The following APOLD1 variants were observed in gnomAD, a reference collection of about 807,000 sequenced individuals.
APOLD1 encodes the protein apolipoprotein L domain-containing protein 1.
Under a neutral mutation model 15.3 loss-of-function variants are expected in APOLD1, and 22 were observed. The observed-to-expected ratio is 1.44, with a 90% confidence interval of 1.03 to 2.05. The LOEUF (loss-of-function observed/expected upper bound fraction) is 2.05. Ranked by LOEUF, APOLD1 falls within the 30% of genes most tolerant of loss-of-function variation. The pLI is 0.00. For missense variants in APOLD1, 394 were observed against 353.5 expected (o/e 1.11, Z -0.92); for synonymous variants, 190 against 167.4 (o/e 1.13, Z -1.04).
chr12:12,769,103 C>T (rs1454445048), intron 1 of APOLD1, among the ~76,000 whole-genome samples: 2 of 151,924 alleles, frequency 1.3e-5, no homozygotes, highest in Non-Finnish European at 2.9e-5. Flanking sequence ...TGGCACATGC[C>T]TGTAGTCCCA....
At chr12:12,730,380 C>T (rs1368252601) in intron 1 of APOLD1, among the ~76,000 whole-genome samples, 2 of 151,994 alleles carry the variant, frequency 1.3e-5, no homozygotes, top group Non-Finnish European at 2.9e-5. Context: ...GTTACTTCAC[C>T]TTTTAAAGAT....
At chr12:12,750,847 T>C (rs980654984) in intron 1 of APOLD1, among the ~76,000 whole-genome samples, 2 of 152,106 alleles carry the variant, frequency 1.3e-5, no homozygotes, top group African/African-American at 2.4e-5. Flanking sequence ...TGATCACAGT[T>C]CACTGCAGCC....
At chr12:12,728,211 CA>C (rs1490134994) in intron 1 of APOLD1, among the ~76,000 whole-genome samples, 4 of 152,112 alleles carry the variant, frequency 2.6e-5, no homozygotes, top group African/African-American at 9.7e-5. Flanking sequence ...AAGGAATCCT[CA>C]CACCTTGGCC....
intron 1 of APOLD1, among the ~76,000 whole-genome samples, chr12:12,746,530 C>A (rs12314889): frequency 4.0e-4 from 22 of 54,382 alleles, no homozygotes; most frequent in African/African-American, 1.4e-3. Flanking sequence ...TAAATACATA[C>A]ATACATATTG....
At chr12:12,734,871 G>T (rs1475158842) in intron 1 of APOLD1, among the ~76,000 whole-genome samples, 1 of 152,120 alleles carries the variant, frequency 6.6e-6, no homozygotes, top group East Asian at 1.9e-4. Flanking sequence ...AAACAGGAGC[G>T]CTGGCCTCCT....
At chr12:12,785,234 G>C (rs1947115141), upstream of APOLD1, among the ~76,000 whole-genome samples, 1 of 152,210 alleles carries the variant, frequency 6.6e-6, no homozygotes, top group South Asian at 2.1e-4. Flanking sequence ...GAGCGGCTAT[G>C]TCAGATATGA....
At chr12:12,740,681 C>A (rs768743382) in intron 1 of APOLD1, among the ~76,000 whole-genome samples, 9 of 152,266 alleles carry the variant, frequency 5.9e-5, no homozygotes, top group Non-Finnish European at 1.0e-4. Flanking sequence ...ATTTCAAGGT[C>A]CCTCCAGGCA....
At chr12:12,775,406 C>T (rs1326415361) in intron 1 of APOLD1, among the ~76,000 whole-genome samples, 4 of 152,050 alleles carry the variant, frequency 2.6e-5, no homozygotes, top group East Asian at 1.9e-4. Flanking sequence ...ACCCACAGAG[C>T]GTACAATACC....
intron 1 of APOLD1, among the ~76,000 whole-genome samples, chr12:12,779,120 T>C (rs1350297212): frequency 6.6e-6 from 1 of 152,120 alleles, no homozygotes; most frequent in African/African-American, 2.4e-5. Flanking sequence ...CTCCTCTCTC[T>C]CCTAATTTTT....
intron 1 of APOLD1, among the ~76,000 whole-genome samples, chr12:12,753,644 G>A (rs981610731): frequency 6.6e-6 from 1 of 152,090 alleles, no homozygotes; most frequent in African/African-American, 2.4e-5. Context: ...CTGCACTCCA[G>A]CCAGGGCCAC....
intron 1 of APOLD1, among the ~76,000 whole-genome samples, chr12:12,738,912 A>G (rs1202203890): frequency 6.6e-6 from 1 of 152,258 alleles, no homozygotes; most frequent in Non-Finnish European, 1.5e-5. Flanking sequence ...ACTTATCTCC[A>G]GAATTCCTGT....
chr12:12,742,128 C>T (rs763370964), intron 1 of APOLD1, among the ~76,000 whole-genome samples: 10 of 152,138 alleles, frequency 6.6e-5, no homozygotes, highest in Non-Finnish European at 1.0e-4. Context: ...CAGCTATGTC[C>T]GGAATGGCTC....
chr12:12,790,009 T>C lies in APOLD1; in HGVS notation c.*2357T>C, dbSNP rs1482366610. On this transcript the variant is annotated 3_prime_UTR_variant, in exon 2 of 2. Coordinates refer to ENST00000356591, the MANE Select transcript of APOLD1 (RefSeq NM_030817.3). ...TGTTTCACCCAGATGCTAGCATTTT[T>C]TTTTTTTTTTTGAGACAGAGTCTCA... 6.6e-6 allele frequency: 1 copy of C among 151,518 alleles called. No individual in the cohort carries two copies. Among genetic ancestry groups the C allele is most frequent in the African/African-American group, 2.4e-5 (1 of 41,198 alleles). 9.4% of individuals were successfully genotyped at this position (151,518 alleles called of 1,614,324 possible).
chr12:12,788,612 A>G lies in APOLD1; in HGVS notation c.*960A>G, dbSNP rs1162621046. On this transcript the variant is annotated 3_prime_UTR_variant, in exon 2 of 2. Coordinates refer to ENST00000356591, the MANE Select transcript of APOLD1 (RefSeq NM_030817.3). The stretch of plus-strand genomic sequence containing the variant: ...GTGTAGTCCCTGGAATGGCAAATTA[A>G]CATCACCCAGGAACTTGTTAGAAAG... 1 of 152,202 alleles carries G rather than the reference A, an allele frequency of 6.6e-6. No homozygotes were observed. Among genetic ancestry groups the G allele is most frequent in the African/African-American group, 2.4e-5 (1 of 41,444 alleles). 9.4% of individuals were successfully genotyped at this position (152,202 alleles called of 1,614,324 possible).
intron 1 of APOLD1, among the ~76,000 whole-genome samples, chr12:12,741,445 C>T (rs1244152556): frequency 6.6e-6 from 1 of 152,176 alleles, no homozygotes; most frequent in Non-Finnish European, 1.5e-5. Context: ...GAACTCCTGA[C>T]CTCAAGCAGT....
At chr12:12,753,837 C>G (rs1946833842) in intron 1 of APOLD1, among the ~76,000 whole-genome samples, 1 of 151,930 alleles carries the variant, frequency 6.6e-6, no homozygotes, top group African/African-American at 2.4e-5. Context: ...AAGAGAAAAG[C>G]CTTAAAATCT....
upstream of APOLD1, among the ~76,000 whole-genome samples, chr12:12,781,930 A>G (rs1388710076): frequency 2.0e-5 from 3 of 151,978 alleles, no homozygotes; most frequent in African/African-American, 7.3e-5. Flanking sequence ...CGCTAGACTT[A>G]CTGTTTCTGC....
At chr12:12,753,838 C>G (rs1946833866) in intron 1 of APOLD1, among the ~76,000 whole-genome samples, 1 of 151,974 alleles carries the variant, frequency 6.6e-6, no homozygotes, top group South Asian at 2.1e-4. Flanking sequence ...AGAGAAAAGC[C>G]TTAAAATCTT....
rs1349687376 is a variant in APOLD1 at position 12,787,200 on chromosome 12, G to A, written c.295G>A (p.Gly99Arg). The A allele has an allele frequency of 1.3e-6, 2 of 1,549,266 alleles. No individual in the cohort carries two copies. The highest frequency in any genetic ancestry group is 1.2e-5 in the South Asian group (1 of 81,818). The change falls in exon 2 of 2, where the codon GGG becomes AGG. Residue 99 changes from glycine to arginine, a missense_variant. Gly to Arg is a moderately radical substitution (Grantham distance 125, BLOSUM62 -2). Transcript: ENST00000356591. This position sits in a 1 kb window ranked among gnomAD's most constrained non-coding sequence, Gnocchi z 4.9. ...AVGLGVATAGGAVTITSDLSL... is the reference protein window; with the variant it reads ...AVGLGVATAGRAVTITSDLSL... Reference sequence around the variant, plus strand: ...GGGGCTGGGGGTGGCCACAGCCGGAGGGGCCGTCACCATCACGTCCGATCT... The same window carrying A: ...GGGGCTGGGGGTGGCCACAGCCGGAAGGGCCGTCACCATCACGTCCGATCT...
Sources: allele counts gnomAD v4.1 joint callset (sites outside exome capture counted in the v4.1 genomes callset), GRCh38; gene constraint gnomAD v4.1.1; non-coding constraint Gnocchi (gnomAD v3.1); transcripts MANE v1.5; gene names NCBI Gene and HGNC (gene_info 2026-07-23, HGNC 2026-07-21).